Variants in ZP2 observed in about 807,000 individuals in gnomAD.
The protein encoded by ZP2 is zona pellucida sperm-binding protein 2.
ZP2 carries 51 observed loss-of-function variants against 84.0 expected under a neutral mutation model. The observed-to-expected ratio is 0.61, with a 90% CI of 0.49 to 0.77. ZP2 has a LOEUF of 0.77. Ranked by LOEUF, ZP2 falls within the 30% of genes least tolerant of loss-of-function variation. ZP2 has a pLI of 0.00. For missense variants in ZP2, 909 were observed against 911.9 expected (o/e 1.00, Z 0.04); for synonymous variants, 375 against 330.9 (o/e 1.13, Z -1.45).
chr16:21,204,863 A>G (rs552061809), intron 7 of ZP2, among the ~76,000 whole-genome samples: 6 of 152,310 alleles, frequency 3.9e-5, no homozygotes, highest in East Asian at 3.9e-4. Flanking sequence ...TACTTGCTAT[A>G]AAACAATATA....
rs2093275629 is a variant in ZP2, at chr16:21,211,563, C to T, written c.-16G>A. ...TGCACGCCATAGCAGAAGACACTAC[C>T]AGATCAACCAGGTAGAGGGTAGGCT... is the stretch of plus-strand genomic sequence containing the variant. On this transcript the variant is annotated 5_prime_UTR_variant, in exon 1 of 19. Coordinates refer to ENST00000574091, the MANE Select transcript of ZP2 (RefSeq NM_001376232.1). 12 of 1,614,042 alleles carry T rather than the reference C, an allele frequency of 7.4e-6. No homozygotes were observed. In the East Asian group the frequency reaches 2.7e-4, roughly 36 times the overall value.
intron 9 of ZP2, among the ~76,000 whole-genome samples, chr16:21,203,486 G>A (rs576495742): frequency 1.1e-3 from 160 of 152,222 alleles, no homozygotes; most frequent in African/African-American, 3.7e-3. Context: ...CTCTTTGTAC[G>A]AGGCACTAAA....
At position 21,199,555 on chromosome 16, in the gene ZP2, A is replaced by G; in HGVS notation, c.1927+15T>C. 6.4e-7 allele frequency: 1 copy of G among 1,560,168 alleles called. No homozygotes were observed. The highest frequency in any genetic ancestry group is 8.6e-7 in the Non-Finnish European group (1 of 1,158,440). ...TTGAATTAGACTCACAGAAACAGGAATTTGAAGTTTTTACCTCGCCTGTGC... is the reference window on the plus strand; with the variant it reads ...TTGAATTAGACTCACAGAAACAGGAGTTTGAAGTTTTTACCTCGCCTGTGC... On this transcript the variant is annotated intron_variant, in intron 16 of 18. Transcript: ENST00000574091.
chr16:21,206,856 G>A lies in ZP2; in HGVS notation c.465C>T (p.Cys155=). ...ETQGLSASTI[C]QKDFMSFSLP... Reference sequence around the variant, plus strand: ...CACTCACAGACATGAAATCCTTCTGGCAGATTGTAGATGCTGAAAGCCCCT... The same window carrying A: ...CACTCACAGACATGAAATCCTTCTGACAGATTGTAGATGCTGAAAGCCCCT... The change falls in exon 5 of 19, where the codon TGC becomes TGT. Residue 155 remains cysteine (C), a synonymous_variant. Transcript: ENST00000574091. 6.2e-7 allele frequency: 1 copy of A among 1,614,074 alleles called. No homozygotes were observed. Among genetic ancestry groups the A allele is most frequent in the Middle Eastern group, 1.7e-4 (1 of 6,060 alleles).
chr16:21,199,688 A>G (rs940122772), intron 15 of ZP2, 22 bp from the exon 16 acceptor site: 2 of 1,613,458 alleles, frequency 1.2e-6, no homozygotes, highest in African/African-American at 1.3e-5. Flanking sequence ...AGAGAGTTAC[A>G]TGGAATCGAT....
Position 21,202,235 on chromosome 16 carries a change from G to A in ZP2, c.1156C>T (p.Gln386Ter). 6 of 1,569,956 alleles carry A rather than the reference G, an allele frequency of 3.8e-6. No individual in the cohort carries two copies. The highest frequency in any genetic ancestry group is 5.2e-6 in the Non-Finnish European group (6 of 1,164,776). The change falls in exon 11 of 19, where the codon CAA becomes TAA. Residue 386 changes from glutamine to a stop codon, truncating the protein, a stop_gained. Coordinates refer to ENST00000574091, the MANE Select transcript of ZP2 (RefSeq NM_001376232.1). LOFTEE classifies it high-confidence loss of function. ...GFMDVEVYSYQTQPALDLGTL... is the reference protein window; with the variant it reads ...GFMDVEVYSY ...CCCAGGTCAAGAGCTGGTTGTGTTT[G>A]GTAGCTGTAGACCTCGACGTCCATA...
At position 21,197,765 on chromosome 16, in the gene ZP2, C is replaced by G; in HGVS notation, c.2095+1G>C. The G allele has an allele frequency of 6.2e-7, 1 of 1,614,158 alleles. No individual in the cohort carries two copies. ...AAGTTTGCAACATTGAATAAACTTA[C>G]CTCGTGAGCCAACCTCCTCCCCTGT... On this transcript the variant is annotated splice_donor_variant, in intron 18 of 18. Transcript: ENST00000574091. LOFTEE classifies it high-confidence loss of function.
At chr16:21,198,451 C>T (rs566297475) in intron 17 of ZP2, among the ~76,000 whole-genome samples, 2 of 152,132 alleles carry the variant, frequency 1.3e-5, no homozygotes, top group South Asian at 4.2e-4. Flanking sequence ...AGAAATAAAC[C>T]TATAGATATC....
intron 5 of ZP2, chr16:21,206,039 C>T (rs905776615): frequency 1.0e-5 from 5 of 480,994 alleles, no homozygotes; most frequent in Non-Finnish European, 1.9e-5. Context: ...CGCTCATCGC[C>T]CAGGCTGGAG....
At position 21,211,554 on chromosome 16, in the gene ZP2, A is replaced by T; in HGVS notation, c.-7T>A. On this transcript the variant is annotated 5_prime_UTR_variant, in exon 1 of 19. Transcript: ENST00000574091. ...CTCTCTGCCTGCACGCCATAGCAGA[A>T]GACACTACCAGATCAACCAGGTAGA... The T allele has an allele frequency of 6.2e-7, 1 of 1,614,144 alleles. No homozygotes were observed. Among genetic ancestry groups the T allele is most frequent in the Non-Finnish European group, 8.5e-7 (1 of 1,180,032 alleles).
At chr16:21,198,744 G>T in intron 17 of ZP2, 35 bp downstream of exon 17, 1 of 1,593,168 alleles carries the variant, frequency 6.3e-7, no homozygotes, top group Non-Finnish European at 8.6e-7. Context: ...CTAAGAACTT[G>T]AATCCAGGAA....
At chr16:21,207,281 G>A (rs533202556) in intron 4 of ZP2, among the ~76,000 whole-genome samples, 28 of 152,148 alleles carry the variant, frequency 1.8e-4, no homozygotes, top group Admixed American at 3.3e-4. Flanking sequence ...TTGGTATGGG[G>A]CTTCTACCCA....
chr16:21,202,397 C>A, intron 10 of ZP2, 106 bp from the exon 11 acceptor site: 1 of 1,059,806 alleles, frequency 9.4e-7, no homozygotes, highest in South Asian at 2.4e-5. Flanking sequence ...TAGCAGGAGG[C>A]ATCAGAATCT....
chr16:21,199,595 G>C lies in ZP2; in HGVS notation c.1902C>G (p.Cys634Trp). ...CTCGCCTGTGCCTAGAGGACACAGG[G>C]CAGGTCACAGAACACAGTGGGGAGT... Reference protein sequence around the residue: ...SPDSPLCSVTCPVSSRHRRAT... With the variant: ...SPDSPLCSVTWPVSSRHRRAT... The change falls in exon 16 of 19, where the codon TGC becomes TGG. Residue 634 changes from cysteine to tryptophan, a missense_variant. By Grantham distance (215) the Cys-to-Trp change is radical. Transcript: ENST00000574091. 6.2e-7 allele frequency: 1 copy of C among 1,612,990 alleles called. No homozygotes were observed. The highest frequency in any genetic ancestry group is 8.5e-7 in the Non-Finnish European group (1 of 1,179,562).
At chr16:21,209,302 G>C (rs2093263801) in intron 4 of ZP2, among the ~76,000 whole-genome samples, 2 of 152,122 alleles carry the variant, frequency 1.3e-5, no homozygotes, top group African/African-American at 2.4e-5. Flanking sequence ...CAAGTAGCTG[G>C]GATTACAGGT....
chr16:21,209,684 C>T lies in ZP2; in HGVS notation c.277G>A (p.Asp93Asn). The T allele has an allele frequency of 6.2e-7, 1 of 1,614,156 alleles. No homozygotes were observed. The highest frequency in any genetic ancestry group is 8.5e-7 in the Non-Finnish European group (1 of 1,180,020). ...GCCCTCAGGGTGAGCTTTTCTGGGTCCAGGATGTAAGTGCAGTTCGGCATG... is the reference window on the plus strand; with the variant it reads ...GCCCTCAGGGTGAGCTTTTCTGGGTTCAGGATGTAAGTGCAGTTCGGCATG... ...LDMPNCTYIL[D>N]PEKLTLRATY... Residue 93 changes from aspartate to asparagine, a missense_variant, in exon 4 of 19, where the codon GAC (aspartate) becomes AAC (asparagine). Asp to Asn is a conservative substitution (Grantham distance 23). Transcript: ENST00000574091.
chr16:21,201,808 T>C lies in ZP2; in HGVS notation c.1402A>G (p.Ser468Gly), dbSNP rs2093226812. The C allele has an allele frequency of 6.2e-7, 1 of 1,614,178 alleles. No homozygotes were observed. The highest frequency in any genetic ancestry group is 1.3e-5 in the African/African-American group (1 of 75,048). The change falls in exon 13 of 19, where the codon AGC (serine) becomes GGC (glycine). Residue 468 changes from serine to glycine, a missense_variant. By Grantham distance (56) the Ser-to-Gly change is moderately conservative. Coordinates refer to ENST00000574091, the MANE Select transcript of ZP2 (RefSeq NM_001376232.1). ...EFRMTVKCSY[S>G]RNDMLLNINV... ...ATGTTTAGTAGCATGTCATTCCTGC[T>C]ATAAGAACACTTCACTGTCATTCTG... is the stretch of plus-strand genomic sequence containing the variant.
chr16:21,203,777 A>G, intron 9 of ZP2: 1 of 543,772 alleles, frequency 1.8e-6, no homozygotes, highest in South Asian at 2.1e-5. Context: ...GGGGCCTTAG[A>G]CAGTTTTAAG....
chr16:21,204,457 A>G (rs748863740), intron 7 of ZP2, 53 bp from the exon 8 acceptor site: 3 of 1,438,280 alleles, frequency 2.1e-6, no homozygotes, highest in Non-Finnish European at 1.9e-6. Flanking sequence ...TTGAATCTCT[A>G]ACCAGTAAGA....
Sources: allele counts gnomAD v4.1 joint callset (sites outside exome capture counted in the v4.1 genomes callset), GRCh38; gene constraint gnomAD v4.1.1; transcripts MANE v1.5; gene names NCBI Gene and HGNC (gene_info 2026-07-23, HGNC 2026-07-21).